The following SIM2 variants were observed in gnomAD, a reference collection of about 807,000 sequenced individuals.
The protein encoded by SIM2 is SIM bHLH transcription factor 2.
A neutral mutation model predicts 64.8 loss-of-function variants in SIM2; 28 were observed. The observed-to-expected ratio is 0.43, with a 90% confidence interval of 0.32 to 0.59. SIM2 has a LOEUF of 0.59. Ranked by LOEUF, SIM2 falls within the 20% of genes least tolerant of loss-of-function variation. The pLI is 0.07. For synonymous variants in SIM2, 408 were observed against 391.1 expected (o/e 1.04, Z -0.51); for missense variants, 847 against 871.4 (o/e 0.97, Z 0.35).
Position 36,747,552 on chromosome 21 carries a change from C to T in SIM2, c.1577-113C>T. The T allele has an allele frequency of 3.0e-6, 2 of 677,378 alleles. No homozygotes were observed. Among genetic ancestry groups the T allele is most frequent in the Non-Finnish European group, 3.9e-6 (2 of 519,184 alleles). The allele number at this position is 677,378 out of a possible 1,614,324, so 42.0% of individuals were successfully genotyped here. A position where few individuals can be genotyped will look rare whatever the true frequency, so the allele number is the denominator to read the frequency against. ...AGGCGGGGGAGGGCGACAGCGACCC[C>T]GCGGGTGCAGCGCGTGGGCGGCCGA... is the stretch of plus-strand genomic sequence containing the variant. On this transcript the variant is annotated intron_variant, in intron 10 of 10. Coordinates refer to ENST00000290399, the MANE Select transcript of SIM2 (RefSeq NM_005069.6). The surrounding 1 kb of genome is among the most constrained non-coding windows in gnomAD (Gnocchi z 4.5).
intron 1 of SIM2, among the ~76,000 whole-genome samples, chr21:36,706,784 C>A (rs1041048677): frequency 4.6e-5 from 7 of 152,220 alleles, no homozygotes; most frequent in Admixed American, 1.3e-4. Flanking sequence ...AGCACCCGAC[C>A]ACCTCCACCA....
At chr21:36,708,214 G>T (rs2088616217) in intron 1 of SIM2, among the ~76,000 whole-genome samples, 4 of 152,198 alleles carry the variant, frequency 2.6e-5, no homozygotes, top group Non-Finnish European at 4.4e-5. Context: ...GGGCTCGGGG[G>T]TTGTCCCAGC....
chr21:36,735,612 C>T (rs984096760), intron 7 of SIM2, among the ~76,000 whole-genome samples: 1 of 152,142 alleles, frequency 6.6e-6, no homozygotes, highest in Non-Finnish European at 1.5e-5. Flanking sequence ...TGCTGCTTGG[C>T]CCCACAGAGT....
rs759379162 is a variant in SIM2, at chr21:36,726,072, G to A, written c.544-47G>A. 6.5e-7 allele frequency: 1 copy of A among 1,542,916 alleles called. No individual in the cohort carries two copies. The highest frequency in any genetic ancestry group is 1.1e-5 in the South Asian group (1 of 89,484). The stretch of plus-strand genomic sequence containing the variant: ...AATGAGCCAGGAGGAGTGGGCTCCA[G>A]CCCAACCCCAGTGGCCAGTGGCTGA... On this transcript the variant is annotated intron_variant, in intron 5 of 10. Coordinates refer to ENST00000290399, the MANE Select transcript of SIM2 (RefSeq NM_005069.6). The surrounding 1 kb of genome is among the most constrained non-coding windows in gnomAD (Gnocchi z 4.5).
intron 7 of SIM2, among the ~76,000 whole-genome samples, chr21:36,737,632 A>T (rs1166289999): frequency 6.6e-6 from 1 of 152,234 alleles, no homozygotes; most frequent in Non-Finnish European, 1.5e-5. Flanking sequence ...CTCTCTAGGT[A>T]GGCTCCTGCC....
chr21:36,712,686 G>T (rs2088693465), intron 3 of SIM2, 64 bp downstream of exon 3: 1 of 1,093,382 alleles, frequency 9.1e-7, no homozygotes, highest in Middle Eastern at 2.0e-4. Flanking sequence ...GATTTTGACA[G>T]CCTCACCCAA....
intron 3 of SIM2, among the ~76,000 whole-genome samples, chr21:36,719,238 G>C (rs2088786993): frequency 6.6e-6 from 1 of 152,270 alleles, no homozygotes; most frequent in South Asian, 2.1e-4. Context: ...GGTAATGTGA[G>C]AGAGGCCTGG....
chr21:36,714,663 A>G (rs993573233), intron 3 of SIM2, among the ~76,000 whole-genome samples: 1 of 152,202 alleles, frequency 6.6e-6, no homozygotes, highest in Non-Finnish European at 1.5e-5. Context: ...GTCATTTGGA[A>G]TGTCCTGGCC....
chr21:36,747,660 CG>C lies in SIM2; in HGVS notation c.1577-4del. The C allele has an allele frequency of 8.0e-7, 1 of 1,248,104 alleles. No homozygotes were observed. The highest frequency in any genetic ancestry group is 1.0e-6 in the Non-Finnish European group (1 of 996,900). 77.3% of individuals were successfully genotyped at this position (1,248,104 alleles called of 1,614,324 possible). A position where few individuals can be genotyped will look rare whatever the true frequency, so the allele number is the denominator to read the frequency against. On this transcript the variant is annotated splice_region_variant and splice_polypyrimidine_tract_variant and intron_variant, in intron 10 of 10. Transcript: ENST00000290399. The surrounding 1 kb of genome is among the most constrained non-coding windows in gnomAD (Gnocchi z 4.5). Reference sequence around the variant, plus strand: ...TGCCCTCTAACGTGTCGCCTGTCCCCGCAGCGCCCGCCGCCGCCGTGCGCAG... The same window carrying C: ...TGCCCTCTAACGTGTCGCCTGTCCCCCAGCGCCCGCCGCCGCCGTGCGCAG...
At position 36,726,110 on chromosome 21, in the gene SIM2, C is replaced by T. The variant is rs202180912; in HGVS notation, c.544-9C>T. 7.0e-5 allele frequency: 113 copies of T among 1,611,738 alleles called. No homozygotes were observed. In the African/African-American group the frequency reaches 1.4e-3, roughly 21 times the overall value. On this transcript the variant is annotated splice_polypyrimidine_tract_variant and intron_variant, in intron 5 of 10. Coordinates refer to ENST00000290399, the MANE Select transcript of SIM2 (RefSeq NM_005069.6). The surrounding 1 kb of genome is among the most constrained non-coding windows in gnomAD (Gnocchi z 4.5). ...GGCCAGTGGCTGACCCTGCCCTCTC[C>T]ACTCCCAGGTCATCCACTGCAGTGG...
At chr21:36,716,650 A>G (rs1433254694) in intron 3 of SIM2, among the ~76,000 whole-genome samples, 1 of 152,176 alleles carries the variant, frequency 6.6e-6, no homozygotes, top group Non-Finnish European at 1.5e-5. Flanking sequence ...CCCCTTCCAC[A>G]CAGAATATAT....
chr21:36,735,658 T>C (rs1323703754), intron 7 of SIM2, among the ~76,000 whole-genome samples: 2 of 152,330 alleles, frequency 1.3e-5, no homozygotes, highest in South Asian at 2.1e-4. Flanking sequence ...ACGATGCTTT[T>C]GTCTTGTGGT....
intron 7 of SIM2, among the ~76,000 whole-genome samples, chr21:36,739,211 C>T (rs971153641): frequency 2.5e-4 from 38 of 152,150 alleles, no homozygotes; most frequent in African/African-American, 8.4e-4. Flanking sequence ...GTTCTAAATC[C>T]TCAAATAGAT....
chr21:36,744,798 C>G lies in SIM2; in HGVS notation c.1238C>G (p.Ala413Gly). ...QLGNWRASPP[A>G]SAAAPPELQP... ...GGAAACTGGAGAGCCAGTCCCCCTG[C>G]AAGCGCTGCTGCTCCTCCAGAACTG... Residue 413 changes from alanine to glycine, a missense_variant, in exon 10 of 11, where the codon GCA becomes GGA. Ala to Gly is a moderately conservative substitution (Grantham distance 60, BLOSUM62 0). This residue lies in a region of SIM2 where 447 missense variants were observed against 414.6 expected (regional missense o/e 1.08). Transcript: ENST00000290399. The G allele has an allele frequency of 6.2e-7, 1 of 1,613,914 alleles. No homozygotes were observed. Among genetic ancestry groups the G allele is most frequent in the Non-Finnish European group, 8.5e-7 (1 of 1,179,898 alleles).
intron 9 of SIM2, among the ~76,000 whole-genome samples, chr21:36,743,843 C>G (rs951311007): frequency 6.6e-6 from 1 of 152,186 alleles, no homozygotes; most frequent in Non-Finnish European, 1.5e-5. Flanking sequence ...TTGGAATCCA[C>G]GGGTTAGATT....
chr21:36,721,357 C>T (rs185445440), intron 4 of SIM2, among the ~76,000 whole-genome samples: 1 of 152,306 alleles, frequency 6.6e-6, no homozygotes, highest in African/African-American at 2.4e-5. Context: ...TTGTTTAAAG[C>T]TGGACAAAGA....
chr21:36,720,057 T>C, intron 4 of SIM2, 128 bp downstream of exon 4: 2 of 660,886 alleles, frequency 3.0e-6, no homozygotes, highest in South Asian at 3.4e-5. Context: ...AGCCCAGGTC[T>C]CTCCAATACA....
intron 9 of SIM2, 64 bp from the exon 10 acceptor site, chr21:36,744,664 G>C (rs2089205911): frequency 6.7e-7 from 1 of 1,500,796 alleles, no homozygotes; most frequent in East Asian, 2.5e-5. Flanking sequence ...GGTTCTTGCA[G>C]GGCCGGAAGG....
chr21:36,702,814 G>A (rs900421640), intron 1 of SIM2, among the ~76,000 whole-genome samples: 5 of 151,994 alleles, frequency 3.3e-5, no homozygotes, highest in Admixed American at 1.3e-4. Flanking sequence ...CTCTCAGATC[G>A]CCTCGGGCTC....
Sources: gnomAD v4.1 joint callset for allele counts (sites outside exome capture counted in the v4.1 genomes callset) on GRCh38, gnomAD v4.1.1 for gene constraint, gnomAD v4.1.1 regional missense constraint, Gnocchi (gnomAD v3.1) non-coding constraint, MANE v1.5 for transcripts, NCBI Gene and HGNC (gene_info 2026-07-23, HGNC 2026-07-21) for gene names.